ZNF189: variants seen among roughly 807,000 people sequenced by gnomAD.
ZNF189 encodes the protein zinc finger protein 189.
Under a neutral mutation model 53.5 loss-of-function variants are expected in ZNF189, and 33 were observed. The observed-to-expected ratio is 0.62, with a 90% confidence interval of 0.47 to 0.82. The LOEUF (loss-of-function observed/expected upper bound fraction) is 0.82, where lower values mean the gene tolerates loss of function less well. Among genes scored for constraint, ZNF189 ranks in the 40% least tolerant of loss-of-function variants. The pLI, the probability that ZNF189 is intolerant of heterozygous loss-of-function variation, is 0.00. For missense variants in ZNF189, 711 were observed against 753.9 expected (o/e 0.94, Z 0.67); for synonymous variants, 247 against 238.8 (o/e 1.03, Z -0.32).
At chr9:101,399,286 G>A in intron 1 of ZNF189, 97 bp downstream of exon 1, 1 of 1,426,148 alleles carries the variant, frequency 7.0e-7, no homozygotes, top group Non-Finnish European at 9.4e-7. Flanking sequence ...CCAACCTCCT[G>A]ACCGCCTCTT....
rs1830870249 is a variant in ZNF189, at chr9:101,409,702, G to T, written c.*53G>T. On this transcript the variant is annotated 3_prime_UTR_variant, in exon 3 of 3. Coordinates refer to ENST00000339664, the MANE Select transcript of ZNF189 (RefSeq NM_003452.4). ...GATTTGAGACTAGTACCCAAGTGCA[G>T]TTTTAGTATGGCTCAACATGGGTCA... The T allele has an allele frequency of 6.5e-7, 1 of 1,529,768 alleles. No individual in the cohort carries two copies. The highest frequency in any genetic ancestry group is 1.4e-5 in the African/African-American group (1 of 72,284). 94.8% of individuals were successfully genotyped at this position (1,529,768 alleles called of 1,614,324 possible).
Position 101,408,263 on chromosome 9 carries a change from AC to A in ZNF189, c.496del (p.His166IlefsTer50). The A allele has an allele frequency of 6.2e-7, 1 of 1,614,226 alleles. No homozygotes were observed. On this transcript the variant is annotated frameshift_variant, in exon 3 of 3. Transcript: ENST00000339664. LOFTEE classifies it high-confidence loss of function. ...GFVRKAHFIQ[H>X]QRVHTGEKPF... is the part of the protein sequence containing the mutation. ...TTGTCCGCAAGGCCCATTTCATTCA[AC>A]ATCAAAGGGTCCATACTGGTGAGAA...
intron 1 of ZNF189, chr9:101,399,442 G>A (rs1408149168): frequency 1.5e-6 from 2 of 1,339,490 alleles, no homozygotes; most frequent in Non-Finnish European, 1.9e-6. Context: ...CTCCAGACTA[G>A]CTCTCTCATT....
chr9:101,406,894 G>T (rs1296126140), intron 2 of ZNF189, among the ~76,000 whole-genome samples: 1 of 152,138 alleles, frequency 6.6e-6, no homozygotes. Flanking sequence ...TCATTTCTCA[G>T]ATGTCATGCA....
In ZNF189 at chr9:101,399,913, G is replaced by GT. The variant is rs1180612583; in HGVS notation, c.69dup (p.Thr24TyrfsTer17). On this transcript the variant is annotated frameshift_variant, in exon 2 of 3. Transcript: ENST00000339664. LOFTEE classifies it high-confidence loss of function. ...TGCTGACATTTGAGGATGTGGCTGT[G>GT]TTTTTTACCCAGGAGGAGTGGGATT... 1.2e-6 allele frequency: 2 copies of GT among 1,614,132 alleles called. No individual in the cohort carries two copies. Among genetic ancestry groups the GT allele is most frequent in the African/African-American group, 1.3e-5 (1 of 75,042 alleles).
rs1830421806 is a variant in ZNF189, at chr9:101,398,958, G to C, written c.-199G>C. ...AGGCAGGAGTAGGGGTTGGGGTTCG[G>C]GGTTGGGGGACAGCCAGGGATCGCG... On this transcript the variant is annotated 5_prime_UTR_variant, in exon 1 of 3. Coordinates refer to ENST00000339664, the MANE Select transcript of ZNF189 (RefSeq NM_003452.4). 3 of 673,784 alleles carry C rather than the reference G, an allele frequency of 4.5e-6. No homozygotes were observed. The East Asian group carries it at 8.2e-5, about 18-fold the overall frequency. 41.7% of individuals were successfully genotyped at this position (673,784 alleles called of 1,614,324 possible). A position where few individuals can be genotyped will look rare whatever the true frequency, so the allele number is the denominator to read the frequency against.
chr9:101,408,677 T>A lies in ZNF189; in HGVS notation c.909T>A (p.Leu303=). 1 of 1,614,190 alleles carries A rather than the reference T, an allele frequency of 6.2e-7. No individual in the cohort carries two copies. Among genetic ancestry groups the A allele is most frequent in the Non-Finnish European group, 8.5e-7 (1 of 1,180,026 alleles). Residue 303 remains leucine, a synonymous_variant, in exon 3 of 3, where the codon CTT becomes CTA. Transcript: ENST00000339664. ...AGAGCTTTAGTCGAAATTCATTGCT[T>A]GTTGAGCATCAAAGAATTCACACTG... The part of the protein sequence containing the change: ...CKKSFSRNSL[L]VEHQRIHTGE...
chr9:101,409,472 TAA>T lies in ZNF189; in HGVS notation c.1705_1706del (p.Lys569ValfsTer2). 1 of 1,614,166 alleles carries T rather than the reference TAA, an allele frequency of 6.2e-7. No individual in the cohort carries two copies. Among genetic ancestry groups the T allele is most frequent in the South Asian group, 1.1e-5 (1 of 91,080 alleles). ...QRIHTGEKPY[K>X]CEKCDKSFSQ... ...GAATACACACAGGAGAGAAACCTTA[TAA>T]GTGTGAGAAGTGCGACAAAAGTTTC... On this transcript the variant is annotated frameshift_variant, in exon 3 of 3. Transcript: ENST00000339664. LOFTEE classifies it high-confidence loss of function.
At chr9:101,399,752 A>G in intron 1 of ZNF189, 132 bp from the exon 2 acceptor site, 1 of 1,437,928 alleles carries the variant, frequency 7.0e-7, no homozygotes, top group Admixed American at 2.1e-5. Flanking sequence ...GAATTGGGCA[A>G]CATATGGAAC....
rs375225830 is a variant in ZNF189 at position 101,406,902 on chromosome 9, G to A, written c.161-1027G>A. On this transcript the variant is annotated intron_variant, in intron 2 of 2. Transcript: ENST00000339664. The stretch of plus-strand genomic sequence containing the variant: ...AAGATTTTCATTTCTCAGATGTCAT[G>A]CAGCCTCTCAGTTGGAACAAGATGG... Among the ~76,000 whole-genome samples, 7 of 152,240 alleles carry A rather than the reference G, an allele frequency of 4.6e-5. No homozygotes were observed. The South Asian group carries it at 1.4e-3, about 32-fold the overall frequency.
intron 2 of ZNF189, among the ~76,000 whole-genome samples, chr9:101,406,322 G>T (rs1830709054): frequency 6.6e-6 from 1 of 152,174 alleles, no homozygotes; most frequent in Admixed American, 6.5e-5. Context: ...AGTGTCAATA[G>T]AGAGTGTGTA....
rs754121678 is a variant in ZNF189, at chr9:101,408,886, A to G, written c.1118A>G (p.Gln373Arg). The G allele has an allele frequency of 5.0e-6, 8 of 1,613,722 alleles. No individual in the cohort carries two copies. The highest frequency in any genetic ancestry group is 1.1e-5 in the South Asian group (1 of 91,064). ...QRIHTGERPY[Q>R]CKECGKSFSQ... The stretch of plus-strand genomic sequence containing the variant: ...ATCCATACTGGTGAAAGACCTTATC[A>G]GTGCAAAGAGTGTGGGAAAAGTTTC... Residue 373 changes from glutamine to arginine, a missense_variant, in exon 3 of 3, where the codon CAG becomes CGG. By Grantham distance (43) the Gln-to-Arg change is conservative. Transcript: ENST00000339664.
In ZNF189 at chr9:101,400,007, C is replaced by G; in HGVS notation, c.157C>G (p.Leu53Val). The G allele has an allele frequency of 6.2e-7, 1 of 1,613,862 alleles. No individual in the cohort carries two copies. The highest frequency in any genetic ancestry group is 8.5e-7 in the Non-Finnish European group (1 of 1,179,914). Residue 53 changes from leucine (L) to valine (V), a missense_variant, in exon 2 of 3, where the codon CTG becomes GTG. Transcript: ENST00000339664. ...GGAGAATTATGGAAACCTGGTCTCA[C>G]TGGGTAAGAATCTGCTGTTTCTCTA... ...MMENYGNLVS[L>V]DVLNRDKDEE...
chr9:101,400,806 A>G (rs1017278612), intron 2 of ZNF189, among the ~76,000 whole-genome samples: 2 of 152,194 alleles, frequency 1.3e-5, no homozygotes, highest in African/African-American at 4.8e-5. Flanking sequence ...TTCTCTGACC[A>G]GTTATTCGGA....
chr9:101,409,469 TTA>T lies in ZNF189; in HGVS notation c.1704_1705del (p.Tyr568Ter). Reference sequence around the variant, plus strand: ...AGAGAATACACACAGGAGAGAAACCTTATAAGTGTGAGAAGTGCGACAAAAGT... The same window carrying T: ...AGAGAATACACACAGGAGAGAAACCTTAAGTGTGAGAAGTGCGACAAAAGT... ...HQRIHTGEKP[Y>X]KCEKCDKSFS... is the part of the protein sequence containing the mutation. On this transcript the variant is annotated frameshift_variant, in exon 3 of 3. Coordinates refer to ENST00000339664, the MANE Select transcript of ZNF189 (RefSeq NM_003452.4). LOFTEE classifies it high-confidence loss of function. The T allele has an allele frequency of 6.2e-7, 1 of 1,614,164 alleles. No homozygotes were observed. The highest frequency in any genetic ancestry group is 1.1e-5 in the South Asian group (1 of 91,082).
chr9:101,404,063 C>T (rs1830628785), intron 2 of ZNF189, among the ~76,000 whole-genome samples: 1 of 152,200 alleles, frequency 6.6e-6, no homozygotes, highest in African/African-American at 2.4e-5. Context: ...AGACAACTAT[C>T]TGTGTAGAAA....
chr9:101,400,801 T>C (rs1830504488), intron 2 of ZNF189, among the ~76,000 whole-genome samples: 1 of 152,234 alleles, frequency 6.6e-6, no homozygotes, highest in Non-Finnish European at 1.5e-5. Context: ...CCCTATTCTC[T>C]GACCAGTTAT....
Position 101,409,797 on chromosome 9 carries a change from C to T in ZNF189, c.*148C>T, listed in dbSNP as rs370186046. The stretch of plus-strand genomic sequence containing the variant: ...TTCTAAAGATTCTGTGAATAGTGGA[C>T]AACTGCCCATGAGCATTTGACTTCC... On this transcript the variant is annotated 3_prime_UTR_variant, in exon 3 of 3. Coordinates refer to ENST00000339664, the MANE Select transcript of ZNF189 (RefSeq NM_003452.4). 973 of 853,544 alleles carry T rather than the reference C, an allele frequency of 1.1e-3. 15 individuals carry two copies. In the South Asian group the frequency reaches 0.017, roughly 15 times the overall value. The allele number at this position is 853,544 out of a possible 1,614,324, so 52.9% of individuals were successfully genotyped here.
intron 1 of ZNF189, 105 bp from the exon 2 acceptor site, chr9:101,399,779 C>T (rs993009401): frequency 6.5e-7 from 1 of 1,537,726 alleles, no homozygotes; most frequent in East Asian, 2.3e-5. Flanking sequence ...TTATCATGTT[C>T]CTCCTAGCCT....
Sources: allele counts gnomAD v4.1 joint callset (sites outside exome capture counted in the v4.1 genomes callset), GRCh38; gene constraint gnomAD v4.1.1; transcripts MANE v1.5; gene names NCBI Gene and HGNC (gene_info 2026-07-23, HGNC 2026-07-21).